Variants in MON2 observed in about 807,000 individuals in gnomAD.
The protein encoded by MON2 is MON2 regulator of endosome-to-Golgi trafficking.
MON2 carries 84 observed loss-of-function variants against 208.6 expected under a neutral mutation model. That is an observed-to-expected ratio of 0.40 (90% confidence interval 0.34 to 0.48). The LOEUF (loss-of-function observed/expected upper bound fraction) is 0.48, where lower values mean the gene tolerates loss of function less well. MON2 is among the 20% of genes least tolerant of loss of function. The pLI, the probability that MON2 is intolerant of heterozygous loss-of-function variation, is 0.59. For synonymous variants in MON2, 660 were observed against 694.0 expected (o/e 0.95, Z 0.77); for missense variants, 1,611 against 2,015.4 (o/e 0.80, Z 3.84).
At position 62,537,249 on chromosome 12, in the gene MON2, C is replaced by T; in HGVS notation, c.1999C>T (p.Gln667Ter). 3 of 1,605,616 alleles carry T rather than the reference C, an allele frequency of 1.9e-6. No homozygotes were observed. The highest frequency in any genetic ancestry group is 2.6e-6 in the Non-Finnish European group (3 of 1,172,830). The change falls in exon 15 of 35, where the codon CAA becomes TAA. Residue 667 changes from glutamine (Q) to a stop codon, truncating the protein, a stop_gained. Coordinates refer to ENST00000393630, the MANE Select transcript of MON2 (RefSeq NM_015026.3). LOFTEE classifies it high-confidence loss of function. ...GGGTCAACCTTTAGCAGTCCAGCCT[C>T]AAGGGACAGTAATGGTAATGTACTT... is the stretch of plus-strand genomic sequence containing the variant. ...AVGQPLAVQP[Q>*]GTVMLTSKNI...
At chr12:62,477,996 A>T (rs2069187498) in intron 1 of MON2, among the ~76,000 whole-genome samples, 1 of 152,170 alleles carries the variant, frequency 6.6e-6, no homozygotes, top group Non-Finnish European at 1.5e-5. Flanking sequence ...TGAAACTGCA[A>T]CCCTGATGAC....
At position 62,532,664 on chromosome 12, in the gene MON2, G is replaced by A; in HGVS notation, c.1627G>A (p.Glu543Lys). Reference sequence around the variant, plus strand: ...GTCAACATCAGACCAAATGGATAAGGAAATTGGTATGAGTCTGTATTTTTA... The same window carrying A: ...GTCAACATCAGACCAAATGGATAAGAAAATTGGTATGAGTCTGTATTTTTA... ...LQSTSDQMDKEIVSRAVWEEM... is the reference protein window; with the variant it reads ...LQSTSDQMDKKIVSRAVWEEM... Residue 543 changes from glutamate to lysine, a missense_variant, in exon 12 of 35, where the codon GAA (glutamate) becomes AAA (lysine). By Grantham distance (56) the Glu-to-Lys change is moderately conservative (BLOSUM62 1). Coordinates refer to ENST00000393630, the MANE Select transcript of MON2 (RefSeq NM_015026.3). 6.2e-7 allele frequency: 1 copy of A among 1,604,782 alleles called. No individual in the cohort carries two copies. Among genetic ancestry groups the A allele is most frequent in the Non-Finnish European group, 8.5e-7 (1 of 1,171,670 alleles).
chr12:62,489,288 T>A (rs2069975832), intron 2 of MON2, among the ~76,000 whole-genome samples: 2 of 152,150 alleles, frequency 1.3e-5, no homozygotes, highest in Admixed American at 6.5e-5. Flanking sequence ...AAAAGTCTTT[T>A]GGTAATTAAA....
At chr12:62,546,587 C>G (rs1487305353) in intron 21 of MON2, among the ~76,000 whole-genome samples, 1 of 151,854 alleles carries the variant, frequency 6.6e-6, no homozygotes, top group African/African-American at 2.4e-5. Context: ...AACCCCATCT[C>G]TACTAAAAAT....
chr12:62,560,317 A>G, intron 25 of MON2, 174 bp from the exon 26 acceptor site: 1 of 590,762 alleles, frequency 1.7e-6, no homozygotes, highest in Non-Finnish European at 2.8e-6. Context: ...CTGAATTTCT[A>G]GGTTGTGATA....
intron 1 of MON2, among the ~76,000 whole-genome samples, chr12:62,479,084 G>A (rs976344975): frequency 6.6e-6 from 1 of 152,098 alleles, no homozygotes; most frequent in Non-Finnish European, 1.5e-5. Context: ...TCAACATGTC[G>A]AATTTAAGGT....
At chr12:62,533,915 A>G (rs74095819) in intron 12 of MON2, among the ~76,000 whole-genome samples, 3,122 of 152,162 alleles carry the variant, frequency 0.021, 108 homozygotes, top group African/African-American at 0.072. Flanking sequence ...TGTATTTGTA[A>G]TTCCCTTCTC....
rs200231492 is a variant in MON2 at position 62,566,499 on chromosome 12, T to C, written c.4323+49T>C. The C allele has an allele frequency of 1.7e-4, 264 of 1,527,080 alleles. 4 individuals carry two copies. The highest frequency in any genetic ancestry group is 6.9e-4 in the Middle Eastern group (4 of 5,826). The allele number at this position is 1,527,080 out of a possible 1,614,324, so 94.6% of individuals were successfully genotyped here. ...TTTCATTAGATGGTGTGAACATTAT[T>C]GAAATTATTCCTTAGGTAATACATT... On this transcript the variant is annotated intron_variant, in intron 29 of 34. Transcript: ENST00000393630.
chr12:62,499,148 T>A, intron 5 of MON2, 100 bp downstream of exon 5: 1 of 1,175,602 alleles, frequency 8.5e-7, no homozygotes, highest in Non-Finnish European at 1.2e-6. Flanking sequence ...TTATTATGTC[T>A]ATAATGGCAA....
chr12:62,553,799 C>T (rs1319306521), intron 24 of MON2, among the ~76,000 whole-genome samples: 1 of 151,946 alleles, frequency 6.6e-6, no homozygotes, highest in South Asian at 2.1e-4. Context: ...CTTTTTTGTT[C>T]CATCTGTTCC....
At chr12:62,574,911 C>A (rs1322098248) in intron 30 of MON2, among the ~76,000 whole-genome samples, 1 of 152,058 alleles carries the variant, frequency 6.6e-6, no homozygotes, top group Non-Finnish European at 1.5e-5. Context: ...ATTGCTTGGG[C>A]CCAGGAGTTC....
chr12:62,560,353 T>C, intron 25 of MON2, 138 bp from the exon 26 acceptor site: 2 of 841,898 alleles, frequency 2.4e-6, no homozygotes, highest in South Asian at 1.8e-5. Context: ...GTTAGTACCT[T>C]AGTACCTAGT....
In MON2 at chr12:62,571,465, T is replaced by G; in HGVS notation, c.4397T>G (p.Leu1466Arg). The change falls in exon 30 of 35, where the codon CTC becomes CGC. Residue 1466 changes from leucine to arginine, a missense_variant. Coordinates refer to ENST00000393630, the MANE Select transcript of MON2 (RefSeq NM_015026.3). ...ESTWKLAVSS[L>R]LRVLSIGLPV... is the part of the protein sequence containing the mutation. The stretch of plus-strand genomic sequence containing the variant: ...ACATGGAAACTAGCAGTATCCTCTC[T>G]CCTCAGAGTTCTTTCTATTGGGCTA... 1 of 1,613,482 alleles carries G rather than the reference T, an allele frequency of 6.2e-7. No individual in the cohort carries two copies. The highest frequency in any genetic ancestry group is 8.5e-7 in the Non-Finnish European group (1 of 1,179,390).
intron 31 of MON2, among the ~76,000 whole-genome samples, chr12:62,579,099 T>C (rs1426620495): frequency 6.6e-6 from 1 of 151,498 alleles, no homozygotes; most frequent in East Asian, 1.9e-4. Flanking sequence ...TTTAAGTTAA[T>C]TGGGCATGGT....
chr12:62,552,756 A>G (rs2073807159), intron 23 of MON2, 125 bp from the exon 24 acceptor site: 1 of 676,708 alleles, frequency 1.5e-6, no homozygotes. Context: ...TTCTACTAGG[A>G]AAGAGATTTT....
intron 7 of MON2, among the ~76,000 whole-genome samples, chr12:62,505,130 G>T (rs2071034762): frequency 6.6e-6 from 1 of 152,196 alleles, no homozygotes; most frequent in Non-Finnish European, 1.5e-5. Context: ...GATGAAAAAG[G>T]CAGTCTCAAA....
intron 11 of MON2, among the ~76,000 whole-genome samples, chr12:62,526,438 G>A (rs2072332230): frequency 6.6e-6 from 1 of 151,978 alleles, no homozygotes; most frequent in African/African-American, 2.4e-5. Context: ...GTTACTGTCA[G>A]CAAATTAATC....
chr12:62,503,749 G>A (rs964625923), intron 7 of MON2, among the ~76,000 whole-genome samples: 1 of 152,112 alleles, frequency 6.6e-6, no homozygotes, highest in Non-Finnish European at 1.5e-5. Flanking sequence ...TCGTGCCCCA[G>A]GGCCTTTGTA....
intron 7 of MON2, among the ~76,000 whole-genome samples, chr12:62,504,597 G>A (rs920055465): frequency 2.6e-5 from 4 of 152,160 alleles, no homozygotes; most frequent in African/African-American, 7.2e-5. Flanking sequence ...TCTTCCTGCT[G>A]TAAAGCATGG....
Sources: allele counts gnomAD v4.1 joint callset (sites outside exome capture counted in the v4.1 genomes callset), GRCh38; gene constraint gnomAD v4.1.1; transcripts MANE v1.5; gene names NCBI Gene and HGNC (gene_info 2026-07-23, HGNC 2026-07-21).